KIAA0825: variants seen among roughly 807,000 people sequenced by gnomAD.
The protein encoded by KIAA0825 is uncharacterized protein KIAA0825.
KIAA0825 carries 119 observed loss-of-function variants against 147.6 expected under a neutral mutation model. The observed-to-expected ratio is 0.81, with a 90% CI of 0.69 to 0.94. The LOEUF (loss-of-function observed/expected upper bound fraction) is 0.94. Ranked by LOEUF, KIAA0825 falls within the 40% of genes least tolerant of loss-of-function variation. The pLI is 0.00. For missense variants in KIAA0825, 1,381 were observed against 1,472.7 expected (o/e 0.94, Z 1.02); for synonymous variants, 470 against 518.1 (o/e 0.91, Z 1.26).
chr5:94,486,703 C>G (rs577917880), intron 5 of KIAA0825, among the ~76,000 whole-genome samples: 124 of 152,194 alleles, frequency 8.1e-4, no homozygotes, highest in African/African-American at 2.9e-3. Flanking sequence ...TAAGGCTTTG[C>G]CAGAAATATT....
chr5:94,458,186 A>C (rs2150935989), intron 12 of KIAA0825, among the ~76,000 whole-genome samples: 1 of 152,334 alleles, frequency 6.6e-6, no homozygotes, highest in East Asian at 1.9e-4. Flanking sequence ...ACCTGAGACT[A>C]CAAGTTGTTG....
At chr5:94,192,305 A>C (rs143647890) in intron 20 of KIAA0825, among the ~76,000 whole-genome samples, 366 of 152,294 alleles carry the variant, frequency 2.4e-3, no homozygotes, top group African/African-American at 8.2e-3. Flanking sequence ...GGCTTCATTC[A>C]TGTAGTGCAT....
rs1766628504 is a variant in KIAA0825, at chr5:94,152,847, AAAAAAAAATTATAT to A, written c.*1146_*1159del. 9.9e-5 allele frequency: 3 copies of A among 30,152 alleles called. No individual in the cohort carries two copies. Among genetic ancestry groups the A allele is most frequent in the Non-Finnish European group, 1.4e-4 (2 of 14,766 alleles). 1.9% of individuals were successfully genotyped at this position (30,152 alleles called of 1,614,324 possible). ...AAAAAAAAAAAAAAAAAAAAAAAAA[AAAAAAAAATTATAT>A]ATATATATATATATATATATATATA... On this transcript the variant is annotated 3_prime_UTR_variant, in exon 21 of 21. Transcript: ENST00000682413.
At chr5:94,449,822 C>A (rs1211020936) in intron 13 of KIAA0825, among the ~76,000 whole-genome samples, 4 of 152,032 alleles carry the variant, frequency 2.6e-5, no homozygotes. Flanking sequence ...GTCATGCCTG[C>A]AATCCCAGCA....
chr5:94,455,523 C>T (rs963828313), intron 12 of KIAA0825, among the ~76,000 whole-genome samples: 7 of 151,822 alleles, frequency 4.6e-5, no homozygotes, highest in Non-Finnish European at 1.0e-4. Context: ...ATAATAGTAA[C>T]GGAGGAACAT....
At chr5:94,192,459 A>C (rs1770755784) in intron 20 of KIAA0825, among the ~76,000 whole-genome samples, 1 of 152,204 alleles carries the variant, frequency 6.6e-6, no homozygotes, top group Non-Finnish European at 1.5e-5. Flanking sequence ...TTATGGTAAA[A>C]AGAAATATAC....
chr5:94,186,340 T>C (rs1031655140), intron 20 of KIAA0825, among the ~76,000 whole-genome samples: 3 of 152,208 alleles, frequency 2.0e-5, no homozygotes, highest in African/African-American at 7.2e-5. Context: ...ATAGTATAGA[T>C]GATTTTGATT....
intron 20 of KIAA0825, among the ~76,000 whole-genome samples, chr5:94,345,740 C>A (rs1782906956): frequency 6.6e-6 from 1 of 151,978 alleles, no homozygotes; most frequent in Non-Finnish European, 1.5e-5. Context: ...AAGCTGCAGA[C>A]AAAACCCCTC....
At chr5:94,529,297 AT>A (rs1770138578) in intron 3 of KIAA0825, among the ~76,000 whole-genome samples, 1 of 140,468 alleles carries the variant, frequency 7.1e-6, no homozygotes, top group Non-Finnish European at 1.5e-5. Flanking sequence ...TGTATATATC[AT>A]ATATATGTAT....
intron 20 of KIAA0825, among the ~76,000 whole-genome samples, chr5:94,292,612 G>A (rs1777950960): frequency 1.3e-5 from 2 of 152,166 alleles, no homozygotes; most frequent in African/African-American, 4.8e-5. Context: ...TTTGGTATCA[G>A]GATGATGCTG....
intron 16 of KIAA0825, 59 bp from the exon 17 acceptor site, chr5:94,396,568 GT>G: frequency 7.4e-7 from 1 of 1,356,516 alleles, no homozygotes; most frequent in Non-Finnish European, 9.8e-7. Context: ...TCACTGCATG[GT>G]TTTGTGTTGT....
intron 20 of KIAA0825, among the ~76,000 whole-genome samples, chr5:94,266,074 C>A (rs921170958): frequency 6.6e-6 from 1 of 152,112 alleles, no homozygotes; most frequent in African/African-American, 2.4e-5. Flanking sequence ...CATGAAAAAA[C>A]AACTGACAGG....
intron 2 of KIAA0825, among the ~76,000 whole-genome samples, chr5:94,543,320 G>A (rs1773705836): frequency 6.6e-6 from 1 of 152,140 alleles, no homozygotes; most frequent in Admixed American, 6.5e-5. Flanking sequence ...GCACATGCCT[G>A]TAATCCCAGC....
intron 2 of KIAA0825, among the ~76,000 whole-genome samples, chr5:94,547,595 G>A (rs888692369): frequency 6.6e-6 from 1 of 152,036 alleles, no homozygotes; most frequent in Admixed American, 6.6e-5. Context: ...AAATTGGCCA[G>A]GCATGGTGGC....
chr5:94,364,110 T>C (rs539476489), intron 20 of KIAA0825, among the ~76,000 whole-genome samples: 3 of 152,022 alleles, frequency 2.0e-5, no homozygotes, highest in Admixed American at 6.5e-5. Flanking sequence ...GGGAGACAGA[T>C]ACCAAAAAGC....
intron 3 of KIAA0825, among the ~76,000 whole-genome samples, chr5:94,525,755 T>C (rs901068388): frequency 2.0e-5 from 3 of 151,942 alleles, no homozygotes; most frequent in African/African-American, 7.2e-5. Context: ...TCTGTTTCAA[T>C]GAGGACTCAG....
intron 20 of KIAA0825, among the ~76,000 whole-genome samples, chr5:94,297,855 CAA>C (rs1021104104): frequency 4.0e-5 from 6 of 151,172 alleles, no homozygotes; most frequent in African/African-American, 1.5e-4. Flanking sequence ...CTCGGCCTCC[CAA>C]AGTGCTGGGA....
In KIAA0825 at chr5:94,575,237, T is replaced by C. The variant is rs145164613; in HGVS notation, c.-2+7196A>G. ...CACACGACTAGTGTTTTATAAATATTTATAAAACAAGGTGTTAAGATGGTT... is the reference window on the plus strand; with the variant it reads ...CACACGACTAGTGTTTTATAAATATCTATAAAACAAGGTGTTAAGATGGTT... On this transcript the variant is annotated intron_variant, in intron 2 of 20. Transcript: ENST00000682413. Among the ~76,000 whole-genome samples the C allele has an allele frequency of 2.6e-5, 4 of 152,118 alleles. No homozygotes were observed. The East Asian group carries it at 7.7e-4, about 29-fold the overall frequency.
intron 16 of KIAA0825, among the ~76,000 whole-genome samples, chr5:94,398,471 T>C (rs1750962395): frequency 6.6e-6 from 1 of 152,196 alleles, no homozygotes; most frequent in Non-Finnish European, 1.5e-5. Flanking sequence ...GAATGCCTTC[T>C]GTCTTCATGG....
Sources: gnomAD v4.1 joint callset for allele counts (sites outside exome capture counted in the v4.1 genomes callset) on GRCh38, gnomAD v4.1.1 for gene constraint, MANE v1.5 for transcripts, NCBI Gene and HGNC (gene_info 2026-07-23, HGNC 2026-07-21) for gene names.